GRHL3: variants seen among roughly 807,000 people sequenced by gnomAD.
The protein encoded by GRHL3 is grainyhead like transcription factor 3, also known as grainyhead-like protein 3 homolog.
Under a neutral mutation model 70.3 loss-of-function variants are expected in GRHL3, and 20 were observed. The ratio of observed to expected loss-of-function variants is 0.28; its 90% CI spans 0.20 to 0.41. The LOEUF (loss-of-function observed/expected upper bound fraction) is 0.41, where lower values mean the gene tolerates loss of function less well. Ranked by LOEUF, GRHL3 falls within the 10% of genes least tolerant of loss-of-function variation. GRHL3 has a pLI of 1.00. For synonymous variants in GRHL3, 299 were observed against 299.9 expected (o/e 1.00, Z 0.03); for missense variants, 637 against 762.3 (o/e 0.84, Z 1.94).
intron 7 of GRHL3, among the ~76,000 whole-genome samples, chr1:24,339,281 C>CTT: frequency 6.7e-6 from 1 of 148,192 alleles, no homozygotes; most frequent in South Asian, 2.2e-4. Flanking sequence ...CCAGTTTTGT[C>CTT]TTTTTTTTTT....
At position 24,354,568 on chromosome 1, in the gene GRHL3, C is replaced by A; in HGVS notation, c.*80C>A. The A allele has an allele frequency of 1.2e-6, 1 of 859,020 alleles. No homozygotes were observed. The highest frequency in any genetic ancestry group is 1.4e-5 in the South Asian group (1 of 71,730). The allele number at this position is 859,020 out of a possible 1,614,324, so 53.2% of individuals were successfully genotyped here. A position where few individuals can be genotyped will look rare whatever the true frequency, so the allele number is the denominator to read the frequency against. On this transcript the variant is annotated 3_prime_UTR_variant, in exon 16 of 16. Transcript: ENST00000361548. ...CCCCACGCCACACACAACCTCTCCA[C>A]ATGCCTCAGCGCTGTTACTTGAATG...
intron 7 of GRHL3, among the ~76,000 whole-genome samples, 181 bp downstream of exon 7, chr1:24,338,284 G>A (rs1426147601): frequency 6.6e-6 from 1 of 152,236 alleles, no homozygotes; most frequent in African/African-American, 2.4e-5. Context: ...CGTCTTTTCT[G>A]TATTGCTTTG....
intron 3 of GRHL3, among the ~76,000 whole-genome samples, chr1:24,336,051 T>C (rs897562195): frequency 6.6e-6 from 1 of 152,154 alleles, no homozygotes; most frequent in Non-Finnish European, 1.5e-5. Context: ...TCCAGATCTT[T>C]TCCTAAACAT....
exon 16 of GRHL3, chr1:24,364,335 C>A: frequency 6.5e-7 from 1 of 1,548,814 alleles, no homozygotes. Flanking sequence ...GCCCCACCAC[C>A]GTCAACAGCC....
At chr1:24,354,301 C>A in intron 15 of GRHL3, 73 bp from the exon 16 acceptor site, 1 of 1,002,100 alleles carries the variant, frequency 1.0e-6, no homozygotes, top group Non-Finnish European at 1.6e-6. Flanking sequence ...ACCCATCACT[C>A]ATCCTGGTCA....
In GRHL3 at chr1:24,322,003, C is replaced by A. The variant is rs1639208736; in HGVS notation, c.17+2435C>A. 1 of 152,126 alleles carries A rather than the reference C, an allele frequency of 6.6e-6. No homozygotes were observed. Among genetic ancestry groups the A allele is most frequent in the Admixed American group, 6.5e-5 (1 of 15,276 alleles). 9.4% of individuals were successfully genotyped at this position (152,126 alleles called of 1,614,324 possible). ...GAAAACAGCCGGCGCCCGCGAGCTG[C>A]CCAGCGTCGGGTTTTCCTGAAGGTG... On this transcript the variant is annotated intron_variant, in intron 1 of 15. Transcript: ENST00000361548. This position sits in a 1 kb window ranked among gnomAD's most constrained non-coding sequence, Gnocchi z 4.4.
At chr1:24,355,478 G>A (rs1013837498), downstream of GRHL3, among the ~76,000 whole-genome samples, 3 of 152,200 alleles carry the variant, frequency 2.0e-5, no homozygotes, top group East Asian at 5.8e-4. Flanking sequence ...CACCGGTGGA[G>A]CAGAGGTGCC....
chr1:24,354,519 T>A lies in GRHL3; in HGVS notation c.*31T>A. 1 of 1,409,264 alleles carries A rather than the reference T, an allele frequency of 7.1e-7. No individual in the cohort carries two copies. The highest frequency in any genetic ancestry group is 1.0e-6 in the Non-Finnish European group (1 of 993,796). The allele number at this position is 1,409,264 out of a possible 1,614,324, so 87.3% of individuals were successfully genotyped here. A position where few individuals can be genotyped will look rare whatever the true frequency, so the allele number is the denominator to read the frequency against. ...CTCGAGCATCCAAACCCTCACGACC[T>A]GCAAGGGGCCAGCAGGGACGTGGCC... On this transcript the variant is annotated 3_prime_UTR_variant, in exon 16 of 16. Transcript: ENST00000361548.
At chr1:24,358,528 C>T, downstream of GRHL3, 3 of 1,608,836 alleles carry the variant, frequency 1.9e-6, no homozygotes, top group South Asian at 3.3e-5. Context: ...TTCTCCTTGA[C>T]CTTGTGTGAC....
At position 24,344,882 on chromosome 1, in the gene GRHL3, T is replaced by C. The variant is rs1640182529; in HGVS notation, c.1420-15T>C. 2 of 1,613,528 alleles carry C rather than the reference T, an allele frequency of 1.2e-6. No homozygotes were observed. The highest frequency in any genetic ancestry group is 1.3e-5 in the African/African-American group (1 of 74,790). On this transcript the variant is annotated splice_polypyrimidine_tract_variant and intron_variant, in intron 11 of 15. Transcript: ENST00000361548. ...CCTGCGTGTGATGGAAAATGTCTTT[T>C]TCACTTCATTGCAGGCAGCCCCCTC... is the stretch of plus-strand genomic sequence containing the variant.
chr1:24,337,585 G>C (rs1314472445), intron 5 of GRHL3, 51 bp from the exon 6 acceptor site: 1 of 1,601,696 alleles, frequency 6.2e-7, no homozygotes, highest in East Asian at 2.2e-5. Context: ...CCCTCTAGGA[G>C]ACTTCCTGCC....
intron 12 of GRHL3, among the ~76,000 whole-genome samples, 168 bp downstream of exon 12, chr1:24,345,099 C>T (rs1640211611): frequency 7.5e-6 from 1 of 132,964 alleles, no homozygotes; most frequent in Non-Finnish European, 1.6e-5. Flanking sequence ...TGCCCCTCCA[C>T]ACCTGTGCCC....
chr1:24,357,149 C>T (rs1640771149), downstream of GRHL3: 1 of 148,920 alleles, frequency 6.7e-6, no homozygotes, highest in Non-Finnish European at 1.5e-5. Context: ...TCCCATTAGG[C>T]TTGCCTGCCC....
At chr1:24,347,379 C>A in intron 13 of GRHL3, 89 bp from the exon 14 acceptor site, 1 of 1,185,958 alleles carries the variant, frequency 8.4e-7, no homozygotes, top group Non-Finnish European at 1.3e-6. Context: ...AGAAGTCAAT[C>A]TTCAAGTAAC....
intron 15 of GRHL3, among the ~76,000 whole-genome samples, chr1:24,352,981 G>A (rs928504910): frequency 6.6e-6 from 1 of 152,216 alleles, no homozygotes; most frequent in South Asian, 2.1e-4. Context: ...GGGGGTCCTC[G>A]TGCCTGCCGC....
At chr1:24,346,396 A>G (rs1388421104) in intron 12 of GRHL3, among the ~76,000 whole-genome samples, 157 bp from the exon 13 acceptor site, 1 of 151,832 alleles carries the variant, frequency 6.6e-6, no homozygotes, top group Non-Finnish European at 1.5e-5. Context: ...AGGCAGTCCA[A>G]CTCCAGACCT....
At chr1:24,364,249 C>T (rs1160458447) in exon 16 of GRHL3, 33 of 1,548,560 alleles carry the variant, frequency 2.1e-5, no homozygotes, top group Non-Finnish European at 2.9e-5. Flanking sequence ...TGAATGTTCC[C>T]ATCCTGTGAC....
intron 8 of GRHL3, among the ~76,000 whole-genome samples, chr1:24,340,551 A>T (rs1030699109): frequency 1.3e-5 from 2 of 152,100 alleles, no homozygotes; most frequent in Non-Finnish European, 2.9e-5. Flanking sequence ...CATGGTGGAG[A>T]GGCACTAGTG....
chr1:24,347,588 A>AC (rs750190378), intron 14 of GRHL3, 35 bp downstream of exon 14: 16 of 1,500,634 alleles, frequency 1.1e-5, no homozygotes, highest in South Asian at 6.8e-5. Context: ...CCCATGGCAG[A>AC]CCCCCTCTAG....
Sources: gnomAD v4.1 joint callset for allele counts (sites outside exome capture counted in the v4.1 genomes callset) on GRCh38, gnomAD v4.1.1 for gene constraint, Gnocchi (gnomAD v3.1) non-coding constraint, MANE v1.5 for transcripts, NCBI Gene and HGNC (gene_info 2026-07-23, HGNC 2026-07-21) for gene names.